CABCOCO1: variants seen among roughly 807,000 people sequenced by gnomAD.
CABCOCO1 encodes ciliary associated calcium binding coiled-coil 1.
A neutral mutation model predicts 35.7 loss-of-function variants in CABCOCO1; 28 were observed. The observed-to-expected ratio is 0.78, with a 90% CI of 0.58 to 1.07. The LOEUF is 1.07. Among genes scored for constraint, CABCOCO1 ranks in the 50% least tolerant of loss-of-function variants. CABCOCO1 has a pLI of 0.00. For synonymous variants in CABCOCO1, 95 were observed against 100.1 expected, an observed-to-expected ratio of 0.95 and a Z score of 0.30; for missense variants, 326 against 309.2, an observed-to-expected ratio of 1.05 and a Z score of -0.41.
intron 5 of CABCOCO1, among the ~76,000 whole-genome samples, chr10:61,713,238 A>T (rs1840775787): frequency 6.6e-6 from 1 of 152,114 alleles, no homozygotes; most frequent in South Asian, 2.1e-4. Context: ...TGTAAGTTGG[A>T]TTCCTAGGTA....
chr10:61,674,541 T>C (rs941184941), intron 2 of CABCOCO1, among the ~76,000 whole-genome samples: 49 of 152,192 alleles, frequency 3.2e-4, no homozygotes, highest in Admixed American at 2.5e-3. Context: ...ACTTTCAATT[T>C]AAAATAGCAT....
At chr10:61,750,120 C>T (rs561605804) in intron 5 of CABCOCO1, among the ~76,000 whole-genome samples, 126 of 152,216 alleles carry the variant, frequency 8.3e-4, no homozygotes, top group Non-Finnish European at 1.1e-3. Context: ...CAATGTGAAT[C>T]ATGGCCCCTA....
At chr10:61,737,634 A>G (rs545830459) in intron 5 of CABCOCO1, among the ~76,000 whole-genome samples, 1 of 152,360 alleles carries the variant, frequency 6.6e-6, no homozygotes, top group Non-Finnish European at 1.5e-5. Context: ...ATAAAAAAGC[A>G]CAAGATCATG....
At chr10:61,728,868 T>C (rs767712497) in intron 5 of CABCOCO1, among the ~76,000 whole-genome samples, 5 of 152,136 alleles carry the variant, frequency 3.3e-5, no homozygotes, top group Non-Finnish European at 7.4e-5. Flanking sequence ...ATTCTCCTTC[T>C]TGAAGTCATG....
chr10:61,721,716 C>T (rs1841026555), intron 5 of CABCOCO1, among the ~76,000 whole-genome samples: 1 of 152,118 alleles, frequency 6.6e-6, no homozygotes, highest in Admixed American at 6.5e-5. Flanking sequence ...GGCTCCCTTT[C>T]ACCAAATCCG....
rs1554819945 is a variant in CABCOCO1, at chr10:61,662,996, G to GGGGTCGACCCCGGCA, written c.27_28insTCGACCCCGGCAGGG (p.Gly9_Pro10insSerThrProAlaGly). The GGGGTCGACCCCGGCA allele has an allele frequency of 3.1e-6, 1 of 321,886 alleles. No individual in the cohort carries two copies. Among genetic ancestry groups the GGGGTCGACCCCGGCA allele is most frequent in the Non-Finnish European group, 6.6e-6 (1 of 150,718 alleles). The allele number at this position is 321,886 out of a possible 1,614,324, so 19.9% of individuals were successfully genotyped here. ...CGATGTCGCAGGGGACGACTCCCTG[G>GGGGTCGACCCCGGCA]GGGCCGACCCCGGCGGGAACCACGC... On this transcript the variant is annotated inframe_insertion, in exon 1 of 8. Transcript: ENST00000648843.
At position 61,766,675 on chromosome 10, in the gene CABCOCO1, A is replaced by G. The variant is rs2132102474; in HGVS notation, c.*662A>G. On this transcript the variant is annotated 3_prime_UTR_variant, in exon 8 of 8. Transcript: ENST00000648843. ...CCAGGAGAATACATGACCTATATAAAAAGAAGCAATGTATAAATGGTTATT... is the reference window on the plus strand; with the variant it reads ...CCAGGAGAATACATGACCTATATAAGAAGAAGCAATGTATAAATGGTTATT... 1 of 152,280 alleles carries G rather than the reference A, an allele frequency of 6.6e-6. No homozygotes were observed. Among genetic ancestry groups the G allele is most frequent in the Non-Finnish European group, 1.5e-5 (1 of 68,010 alleles). 9.4% of individuals were successfully genotyped at this position (152,280 alleles called of 1,614,324 possible).
intron 5 of CABCOCO1, among the ~76,000 whole-genome samples, chr10:61,755,069 T>A (rs947753012): frequency 2.0e-5 from 3 of 152,158 alleles, no homozygotes; most frequent in African/African-American, 7.2e-5. Context: ...ATATTCTACA[T>A]TTACAGAGTA....
At chr10:61,705,381 T>A (rs1418497242) in intron 5 of CABCOCO1, among the ~76,000 whole-genome samples, 1 of 152,244 alleles carries the variant, frequency 6.6e-6, no homozygotes, top group African/African-American at 2.4e-5. Context: ...ATTATCAAGG[T>A]ATTTATTGAA....
chr10:61,742,145 A>C (rs550224501), intron 5 of CABCOCO1, among the ~76,000 whole-genome samples: 1 of 152,268 alleles, frequency 6.6e-6, no homozygotes, highest in African/African-American at 2.4e-5. Context: ...GAGTGAGCGA[A>C]AGGGAGGAAT....
intron 5 of CABCOCO1, among the ~76,000 whole-genome samples, chr10:61,742,193 A>G (rs1841563206): frequency 6.6e-6 from 1 of 152,226 alleles, no homozygotes; most frequent in Non-Finnish European, 1.5e-5. Context: ...AGTAGCTGCA[A>G]GACTCGGGGG....
chr10:61,667,519 G>A (rs1839225083), intron 1 of CABCOCO1, among the ~76,000 whole-genome samples: 2 of 151,568 alleles, frequency 1.3e-5, no homozygotes. Flanking sequence ...GAAGGACTTA[G>A]TTCTTTGAAT....
chr10:61,687,603 T>C (rs996775151), intron 4 of CABCOCO1, among the ~76,000 whole-genome samples: 6 of 152,144 alleles, frequency 3.9e-5, no homozygotes, highest in African/African-American at 1.2e-4. Context: ...ACAGCTCTTT[T>C]CCCCTTCATC....
At chr10:61,698,759 T>C (rs570393720) in intron 5 of CABCOCO1, among the ~76,000 whole-genome samples, 6 of 152,198 alleles carry the variant, frequency 3.9e-5, no homozygotes, top group African/African-American at 1.4e-4. Context: ...AATAACCATA[T>C]AAAAACATAA....
chr10:61,677,609 T>TA (rs1483442674), intron 2 of CABCOCO1, among the ~76,000 whole-genome samples: 1 of 152,044 alleles, frequency 6.6e-6, no homozygotes, highest in Non-Finnish European at 1.5e-5. Flanking sequence ...GATTGTTACA[T>TA]ATGTATACAT....
intron 1 of CABCOCO1, among the ~76,000 whole-genome samples, chr10:61,668,049 A>G (rs958260064): frequency 3.3e-5 from 5 of 151,626 alleles, no homozygotes; most frequent in African/African-American, 1.2e-4. Flanking sequence ...TTCATATTTT[A>G]CTGGGAGTTT....
intron 5 of CABCOCO1, among the ~76,000 whole-genome samples, chr10:61,692,442 T>C (rs1840174161): frequency 6.6e-6 from 1 of 152,142 alleles, no homozygotes; most frequent in Non-Finnish European, 1.5e-5. Flanking sequence ...CTTCTGTAGG[T>C]CCACAATTAC....
At chr10:61,720,292 TA>T (rs10715326) in intron 5 of CABCOCO1, among the ~76,000 whole-genome samples, 98,977 of 151,130 alleles carry the variant, frequency 0.65, 33,937 homozygotes, top group Middle Eastern at 0.84. Context: ...AAAATAAAAA[TA>T]AAAAAAAACA....
At position 61,763,519 on chromosome 10, in the gene CABCOCO1, A is replaced by G. The variant is rs527759470; in HGVS notation, c.817-2420A>G. On this transcript the variant is annotated intron_variant, in intron 7 of 7. Transcript: ENST00000648843. ...TTTTGGCCCTGAGTTGTGTAATAAA[A>G]ATTATACCCAAGGGAGCAAACTTAA... is the stretch of plus-strand genomic sequence containing the variant. Among the ~76,000 whole-genome samples the G allele has an allele frequency of 4.6e-5, 7 of 152,190 alleles. No homozygotes were observed. The East Asian group carries it at 1.3e-3, about 29-fold the overall frequency.
Sources: allele counts gnomAD v4.1 joint callset (sites outside exome capture counted in the v4.1 genomes callset), GRCh38; gene constraint gnomAD v4.1.1; transcripts MANE v1.5; gene names NCBI Gene and HGNC (gene_info 2026-07-23, HGNC 2026-07-21).